RBFOX1: variants seen among roughly 807,000 people sequenced by gnomAD.
The protein encoded by RBFOX1 is RNA binding fox-1 homolog 1.
Under a neutral mutation model 57.7 loss-of-function variants are expected in RBFOX1, and 8 were observed. That is an observed-to-expected ratio of 0.14 (90% confidence interval 0.08 to 0.25). The LOEUF (loss-of-function observed/expected upper bound fraction) is 0.25, where lower values mean the gene tolerates loss of function less well. Ranked by LOEUF, RBFOX1 falls within the 10% of genes least tolerant of loss-of-function variation. RBFOX1 has a pLI of 1.00. For missense variants in RBFOX1, 611 were observed against 548.5 expected (o/e 1.11, Z -1.14); for synonymous variants, 326 against 222.4 (o/e 1.47, Z -4.15).
intron 3 of RBFOX1, among the ~76,000 whole-genome samples, chr16:6,896,724 C>T (rs2067010039): frequency 2.6e-5 from 4 of 152,120 alleles, no homozygotes; most frequent in Admixed American, 2.6e-4. Flanking sequence ...GTAAATTATG[C>T]TCTATGAATG....
chr16:7,285,044 A>T (rs529441629), intron 4 of RBFOX1, among the ~76,000 whole-genome samples: 5 of 135,624 alleles, frequency 3.7e-5, no homozygotes, highest in African/African-American at 5.6e-5. Flanking sequence ...CTCAGTCTCA[A>T]TCCAGCCCTT....
intron 3 of RBFOX1, among the ~76,000 whole-genome samples, chr16:5,652,890 T>G (rs2049286102): frequency 6.6e-6 from 1 of 152,198 alleles, no homozygotes; most frequent in Non-Finnish European, 1.5e-5. Flanking sequence ...TAGCATGATG[T>G]GTATAGTACA....
chr16:5,805,643 T>C (rs985335643), intron 3 of RBFOX1, among the ~76,000 whole-genome samples: 1 of 152,162 alleles, frequency 6.6e-6, no homozygotes, highest in Non-Finnish European at 1.5e-5. Context: ...TGGAGAGCTG[T>C]TACCACCCCT....
intron 4 of RBFOX1, among the ~76,000 whole-genome samples, chr16:7,204,806 G>A (rs545879788): frequency 2.0e-5 from 3 of 152,126 alleles, no homozygotes; most frequent in Admixed American, 6.5e-5. Flanking sequence ...AATGCAAACT[G>A]ATTGGTAACT....
intron 1 of RBFOX1, among the ~76,000 whole-genome samples, chr16:6,274,050 C>G (rs1395708709): frequency 6.6e-6 from 1 of 152,188 alleles, no homozygotes; most frequent in African/African-American, 2.4e-5. Context: ...AACCCCAGTA[C>G]TTGCAAGGTT....
chr16:6,814,861 G>A (rs949298298), intron 3 of RBFOX1, among the ~76,000 whole-genome samples: 1 of 152,108 alleles, frequency 6.6e-6, no homozygotes. Context: ...CGCCAAGAGA[G>A]GGTTCTTGGA....
intron 1 of RBFOX1, among the ~76,000 whole-genome samples, chr16:6,257,501 G>A (rs1008294728): frequency 3.3e-5 from 5 of 151,750 alleles, no homozygotes; most frequent in Middle Eastern, 3.2e-3. Flanking sequence ...GGGGTTTGTC[G>A]TACAGTTGAT....
chr16:6,701,276 C>T (rs2061810140), intron 3 of RBFOX1, among the ~76,000 whole-genome samples: 1 of 152,160 alleles, frequency 6.6e-6, no homozygotes. Flanking sequence ...CTGACGCAGG[C>T]CCTGAAGGGG....
intron 3 of RBFOX1, among the ~76,000 whole-genome samples, chr16:5,756,486 T>C (rs908995943): frequency 6.6e-6 from 1 of 152,110 alleles, no homozygotes; most frequent in Non-Finnish European, 1.5e-5. Flanking sequence ...CCCAGGCTGG[T>C]TTCTTACCTC....
At chr16:5,348,035 C>G (rs2065182009) in intron 1 of RBFOX1, among the ~76,000 whole-genome samples, 1 of 142,078 alleles carries the variant, frequency 7.0e-6, no homozygotes, top group Non-Finnish European at 1.5e-5. Context: ...ACCCACCCAT[C>G]AACCCATCCA....
At chr16:7,601,173 A>C (rs1291850504) in intron 9 of RBFOX1, among the ~76,000 whole-genome samples, 2 of 152,158 alleles carry the variant, frequency 1.3e-5, no homozygotes, top group Non-Finnish European at 2.9e-5. Context: ...CTCCAGAGAG[A>C]GGCATACTTT....
At chr16:5,465,172 C>G (rs3843729) in intron 1 of RBFOX1, among the ~76,000 whole-genome samples, 1 of 151,932 alleles carries the variant, frequency 6.6e-6, no homozygotes, top group African/African-American at 2.4e-5. Context: ...AGTCCAAGAT[C>G]GAGGTGTCAG....
chr16:5,315,300 G>A (rs915672138), intron 1 of RBFOX1, among the ~76,000 whole-genome samples: 4 of 152,188 alleles, frequency 2.6e-5, no homozygotes, highest in African/African-American at 9.7e-5. Context: ...GTCAAAATTA[G>A]CATTTCCATG....
chr16:7,526,160 T>C (rs979971442), intron 5 of RBFOX1, among the ~76,000 whole-genome samples: 4 of 152,204 alleles, frequency 2.6e-5, no homozygotes, highest in African/African-American at 9.7e-5. Context: ...TATGAGAATC[T>C]AATGCTTGAT....
At chr16:6,362,216 T>A (rs1383995241) in intron 2 of RBFOX1, among the ~76,000 whole-genome samples, 3 of 151,852 alleles carry the variant, frequency 2.0e-5, no homozygotes, top group Non-Finnish European at 4.4e-5. Flanking sequence ...TAAAATTTGA[T>A]GTAATCGATG....
chr16:7,187,688 CACAAAAAAAAAAAAAAA>C lies in RBFOX1; in HGVS notation c.27+135592_27+135608del, dbSNP rs1429877386. ...TGGGCAACAGAATGAGACTCTGTCT[CACAAAAAAAAAAAAAAA>C]AAAAAAAAAAAAAAAAAAAAGGAAA... On this transcript the variant is annotated intron_variant, in intron 4 of 15. Transcript: ENST00000550418. 4.1e-3 allele frequency among the ~76,000 whole-genome samples: 179 copies of C among 43,232 alleles called. 1 individual carries two copies. Among genetic ancestry groups the C allele is most frequent in the African/African-American group, 0.012 (167 of 13,448 alleles). The allele number at this position is 43,232 out of a possible 152,430, so 28.4% of individuals were successfully genotyped here.
chr16:5,520,293 C>T (rs914245330), intron 2 of RBFOX1, among the ~76,000 whole-genome samples: 1 of 152,118 alleles, frequency 6.6e-6, no homozygotes, highest in African/African-American at 2.4e-5. Flanking sequence ...TTTTCATGTT[C>T]AGGTAGTAGG....
intron 1 of RBFOX1, among the ~76,000 whole-genome samples, chr16:6,034,177 A>T (rs890789832): frequency 6.6e-6 from 1 of 151,806 alleles, no homozygotes; most frequent in Non-Finnish European, 1.5e-5. Context: ...TCTACTAAAA[A>T]TACAAAAATT....
chr16:5,543,526 G>A (rs943367780), intron 2 of RBFOX1, among the ~76,000 whole-genome samples: 4 of 152,276 alleles, frequency 2.6e-5, no homozygotes, highest in African/African-American at 9.6e-5. Flanking sequence ...AAAGAGAACA[G>A]CATTAGTAAT....
Sources: allele counts gnomAD v4.1 joint callset (sites outside exome capture counted in the v4.1 genomes callset), GRCh38; gene constraint gnomAD v4.1.1; transcripts MANE v1.5; gene names NCBI Gene and HGNC (gene_info 2026-07-23, HGNC 2026-07-21).